Variants in TSGA10 observed in about 807,000 individuals in gnomAD.
The protein encoded by TSGA10 is testis-specific gene 10 protein.
TSGA10 carries 43 observed loss-of-function variants against 96.6 expected under a neutral mutation model. The observed-to-expected ratio is 0.44, with a 90% confidence interval of 0.35 to 0.57. The LOEUF (loss-of-function observed/expected upper bound fraction) is 0.57, where lower values mean the gene tolerates loss of function less well. Ranked by LOEUF, TSGA10 falls within the 20% of genes least tolerant of loss-of-function variation. The pLI is 0.01. For synonymous variants in TSGA10, 229 were observed against 269.9 expected (o/e 0.85, Z 1.48); for missense variants, 703 against 834.4 (o/e 0.84, Z 1.94).
chr2:99,029,422 TA>T (rs559622304), intron 17 of TSGA10, among the ~76,000 whole-genome samples: 1 of 150,950 alleles, frequency 6.6e-6, no homozygotes, highest in Non-Finnish European at 1.5e-5. Flanking sequence ...TAAATGTATT[TA>T]AAAAAAAAGA....
intron 18 of TSGA10, among the ~76,000 whole-genome samples, chr2:99,019,359 G>A (rs769281488): frequency 2.0e-5 from 3 of 152,264 alleles, no homozygotes; most frequent in South Asian, 4.1e-4. Context: ...AAGTTTTGGC[G>A]TATTTCACAA....
At chr2:99,024,236 C>T (rs1382907499) in intron 17 of TSGA10, among the ~76,000 whole-genome samples, 1 of 151,704 alleles carries the variant, frequency 6.6e-6, no homozygotes, top group East Asian at 1.9e-4. Flanking sequence ...ATTACAGGCA[C>T]GTGCCATCAC....
At chr2:99,020,062 T>C (rs965316072) in intron 18 of TSGA10, among the ~76,000 whole-genome samples, 1 of 152,152 alleles carries the variant, frequency 6.6e-6, no homozygotes, top group Non-Finnish European at 1.5e-5. Flanking sequence ...TCTATCATAC[T>C]CAAAACTCTG....
At chr2:99,031,252 C>A (rs1573633893) in intron 17 of TSGA10, among the ~76,000 whole-genome samples, 1 of 40,684 alleles carries the variant, frequency 2.5e-5, no homozygotes, top group Non-Finnish European at 4.5e-5. Context: ...GCTTTTTAAA[C>A]AAATGGTACA....
intron 1 of TSGA10, among the ~76,000 whole-genome samples, chr2:99,153,286 A>G (rs543103164): frequency 1.1e-4 from 17 of 152,264 alleles, no homozygotes; most frequent in Non-Finnish European, 2.4e-4. Flanking sequence ...ATTTTGGAGT[A>G]CGTTGAAACA....
At chr2:99,030,118 A>T (rs1462107995) in intron 17 of TSGA10, among the ~76,000 whole-genome samples, 1 of 152,126 alleles carries the variant, frequency 6.6e-6, no homozygotes, top group East Asian at 1.9e-4. Context: ...AGGCTGAGGC[A>T]GGCAGATAAC....
chr2:99,108,779 A>G (rs1250512598), intron 7 of TSGA10, 54 bp downstream of exon 7: 16 of 1,319,368 alleles, frequency 1.2e-5, no homozygotes, highest in South Asian at 1.1e-4. Flanking sequence ...GAAGAATTAC[A>G]TAACTCTAGA....
At chr2:99,047,804 T>C (rs564118819) in intron 16 of TSGA10, among the ~76,000 whole-genome samples, 3 of 152,188 alleles carry the variant, frequency 2.0e-5, no homozygotes, top group Admixed American at 6.5e-5. Context: ...GATGGCATGA[T>C]TGTATATTTA....
chr2:99,072,229 C>T (rs2086061420), intron 13 of TSGA10, among the ~76,000 whole-genome samples: 1 of 152,146 alleles, frequency 6.6e-6, no homozygotes, highest in African/African-American at 2.4e-5. Context: ...TTTCAGGGCT[C>T]AAGCCCTAGC....
chr2:99,097,260 A>C (rs1455090223), intron 10 of TSGA10, among the ~76,000 whole-genome samples: 1 of 152,164 alleles, frequency 6.6e-6, no homozygotes. Flanking sequence ...AATTCAGACA[A>C]AATTCTAAAA....
chr2:99,109,575 A>G, intron 5 of TSGA10, 63 bp from the exon 6 acceptor site: 1 of 1,361,604 alleles, frequency 7.3e-7, no homozygotes, highest in Non-Finnish European at 9.6e-7. Flanking sequence ...AGAGGAAAAA[A>G]TTAGACCATT....
intron 1 of TSGA10, among the ~76,000 whole-genome samples, chr2:99,144,185 T>C (rs1288197896): frequency 6.6e-6 from 1 of 151,776 alleles, no homozygotes; most frequent in East Asian, 1.9e-4. Context: ...CACGCCCGGC[T>C]AATTTTTTTG....
chr2:99,143,098 G>A (rs570207477), intron 1 of TSGA10, among the ~76,000 whole-genome samples: 45 of 150,342 alleles, frequency 3.0e-4, no homozygotes, highest in African/African-American at 1.1e-3. Context: ...GGAAACCCAA[G>A]GGGTAGTGAG....
chr2:99,070,482 A>ACTGT (rs1272444007), intron 14 of TSGA10, among the ~76,000 whole-genome samples: 19 of 152,154 alleles, frequency 1.2e-4, no homozygotes, highest in Admixed American at 2.0e-4. Context: ...TTTTAAGTGC[A>ACTGT]CTGTATAGCA....
At chr2:99,013,836 T>A (rs1573463080) in intron 20 of TSGA10, among the ~76,000 whole-genome samples, 1 of 151,646 alleles carries the variant, frequency 6.6e-6, no homozygotes, top group East Asian at 2.0e-4. Context: ...GCCAACATGG[T>A]GAAACCCTGT....
intron 11 of TSGA10, 44 bp from the exon 12 acceptor site, chr2:99,078,857 T>C (rs1367533045): frequency 3.9e-6 from 6 of 1,528,686 alleles, no homozygotes; most frequent in Non-Finnish European, 5.3e-6. Flanking sequence ...CAAAATAAAA[T>C]CTTTTTTCTA....
chr2:99,002,760 A>C (rs1415394052), intron 20 of TSGA10, among the ~76,000 whole-genome samples: 1 of 152,210 alleles, frequency 6.6e-6, no homozygotes. Flanking sequence ...GCAGAGACAC[A>C]CATAGGCTCA....
intron 5 of TSGA10, among the ~76,000 whole-genome samples, chr2:99,110,008 CA>C (rs2091665333): frequency 6.6e-6 from 1 of 151,876 alleles, no homozygotes; most frequent in African/African-American, 2.4e-5. Context: ...ACTAAAAATA[CA>C]AAAAAATTAG....
chr2:99,096,710 G>C (rs2090084124), intron 10 of TSGA10, among the ~76,000 whole-genome samples: 1 of 152,116 alleles, frequency 6.6e-6, no homozygotes, highest in Non-Finnish European at 1.5e-5. Context: ...TGGGAAACGA[G>C]GAGGCAACAG....
Sources: gnomAD v4.1 joint callset for allele counts (sites outside exome capture counted in the v4.1 genomes callset) on GRCh38, gnomAD v4.1.1 for gene constraint, MANE v1.5 for transcripts, NCBI Gene and HGNC (gene_info 2026-07-23, HGNC 2026-07-21) for gene names.